DIP2C: variants seen among roughly 807,000 people sequenced by gnomAD.
DIP2C encodes disco-interacting protein 2 homolog C.
DIP2C carries 33 observed loss-of-function variants against 192.4 expected under a neutral mutation model. The ratio of observed to expected loss-of-function variants is 0.17; its 90% CI spans 0.13 to 0.23. The LOEUF is 0.23. Among genes scored for constraint, DIP2C ranks in the 10% least tolerant of loss-of-function variants. DIP2C has a pLI of 1.00. For missense variants in DIP2C, 1,537 were observed against 2,110.1 expected (o/e 0.73, Z 5.32); for synonymous variants, 979 against 864.1 (o/e 1.13, Z -2.33).
At chr10:575,582 CA>C (rs1850099292) in intron 1 of DIP2C, among the ~76,000 whole-genome samples, 1 of 152,178 alleles carries the variant, frequency 6.6e-6, no homozygotes, top group Non-Finnish European at 1.5e-5. Flanking sequence ...GTGATCCTTG[CA>C]AAAACATAGC....
chr10:530,995 C>T (rs1365438679), intron 1 of DIP2C, among the ~76,000 whole-genome samples: 1 of 152,204 alleles, frequency 6.6e-6, no homozygotes, highest in African/African-American at 2.4e-5. Context: ...GCAGCCCCGA[C>T]TGGACAGAAG....
At chr10:311,851 G>T (rs1199808327) in intron 31 of DIP2C, among the ~76,000 whole-genome samples, 1 of 152,204 alleles carries the variant, frequency 6.6e-6, no homozygotes, top group Non-Finnish European at 1.5e-5. Flanking sequence ...TGTAGCAGGT[G>T]ACTAACCACG....
chr10:471,136 C>T (rs1009890332), intron 3 of DIP2C, among the ~76,000 whole-genome samples: 2 of 152,134 alleles, frequency 1.3e-5, no homozygotes, highest in Non-Finnish European at 2.9e-5. Context: ...TCCTTCATTC[C>T]ATCCGCACAC....
intron 1 of DIP2C, among the ~76,000 whole-genome samples, chr10:627,959 C>T (rs149086634): frequency 3.1e-4 from 47 of 152,368 alleles, no homozygotes; most frequent in African/African-American, 9.9e-4. Context: ...AACGACTTTG[C>T]TGTTTTACCG....
intron 1 of DIP2C, among the ~76,000 whole-genome samples, chr10:658,664 T>C (rs1211520057): frequency 6.6e-6 from 1 of 152,246 alleles, no homozygotes; most frequent in Non-Finnish European, 1.5e-5. Flanking sequence ...CTGTGTGGTG[T>C]ATTATGTTTC....
intron 36 of DIP2C, among the ~76,000 whole-genome samples, chr10:280,707 C>T (rs544069309): frequency 1.3e-5 from 2 of 152,232 alleles, no homozygotes; most frequent in Non-Finnish European, 1.5e-5. Context: ...GCAGCAGGTG[C>T]GACGCACACA....
At chr10:383,711 G>C (rs901061626) in intron 16 of DIP2C, among the ~76,000 whole-genome samples, 1 of 152,096 alleles carries the variant, frequency 6.6e-6, no homozygotes, top group African/African-American at 2.4e-5. Context: ...CCGTTTTACA[G>C]CCGGGGAAAC....
intron 31 of DIP2C, among the ~76,000 whole-genome samples, chr10:314,913 T>C (rs3125036): frequency 0.99 from 150,312 of 152,348 alleles, 74,175 homozygotes; most frequent in East Asian, 1. Context: ...ACAGACATTC[T>C]GACCTCAGCA....
intron 1 of DIP2C, among the ~76,000 whole-genome samples, chr10:526,696 GT>G (rs1396975793): frequency 6.6e-6 from 1 of 152,192 alleles, no homozygotes; most frequent in Middle Eastern, 3.2e-3. Flanking sequence ...GTCCACACTG[GT>G]GGCTTTAACT....
intron 1 of DIP2C, among the ~76,000 whole-genome samples, chr10:641,409 C>G (rs1004614349): frequency 2.0e-5 from 3 of 152,190 alleles, no homozygotes; most frequent in African/African-American, 4.8e-5. Flanking sequence ...GGCTACATCC[C>G]CTACGTTCCT....
At chr10:337,822 A>G in intron 29 of DIP2C, among the ~76,000 whole-genome samples, 1 of 125,436 alleles carries the variant, frequency 8.0e-6, no homozygotes, top group Non-Finnish European at 1.6e-5. Context: ...AGGCCTACGC[A>G]GCTGTGTGTG....
At chr10:389,377 CCTCCA>C (rs1356394605) in intron 13 of DIP2C, among the ~76,000 whole-genome samples, 4 of 148,752 alleles carry the variant, frequency 2.7e-5, no homozygotes, top group Non-Finnish European at 5.9e-5. Flanking sequence ...GCCACAGTTC[CCTCCA>C]CTCAAGTTCC....
At chr10:670,504 A>C (rs1299469260) in intron 1 of DIP2C, among the ~76,000 whole-genome samples, 1 of 152,234 alleles carries the variant, frequency 6.6e-6, no homozygotes, top group Non-Finnish European at 1.5e-5. Flanking sequence ...ATGTTCTGGA[A>C]TGTTCCAGAG....
At chr10:320,425 T>C (rs190553953) in intron 31 of DIP2C, among the ~76,000 whole-genome samples, 2,702 of 151,606 alleles carry the variant, frequency 0.018, 69 homozygotes, top group African/African-American at 0.062. Flanking sequence ...GGAGAATCAC[T>C]TGAACCCAGG....
chr10:458,917 A>G (rs72774503), intron 3 of DIP2C, among the ~76,000 whole-genome samples: 1 of 151,688 alleles, frequency 6.6e-6, no homozygotes, highest in Non-Finnish European at 1.5e-5. Flanking sequence ...CTGACACTAA[A>G]CTATCCTCAG....
intron 1 of DIP2C, among the ~76,000 whole-genome samples, chr10:670,303 C>T (rs889559603): frequency 4.6e-5 from 7 of 152,102 alleles, no homozygotes; most frequent in South Asian, 2.1e-4. Context: ...CACACACATA[C>T]GCACATACAT....
At chr10:635,935 C>G (rs1269218343) in intron 1 of DIP2C, among the ~76,000 whole-genome samples, 2 of 152,144 alleles carry the variant, frequency 1.3e-5, no homozygotes, top group Admixed American at 6.5e-5. Flanking sequence ...AGACGATCAT[C>G]GAGATAGAGT....
At chr10:510,352 T>C (rs1293407569) in intron 1 of DIP2C, among the ~76,000 whole-genome samples, 1 of 152,218 alleles carries the variant, frequency 6.6e-6, no homozygotes, top group Non-Finnish European at 1.5e-5. Flanking sequence ...GGGCTGGGTA[T>C]TCGGCATTTT....
intron 2 of DIP2C, among the ~76,000 whole-genome samples, chr10:480,443 G>A (rs933755485): frequency 2.0e-5 from 3 of 152,106 alleles, no homozygotes; most frequent in African/African-American, 4.8e-5. Context: ...TCACCCGCCA[G>A]CCTGAGCCCT....
Sources: gnomAD v4.1 joint callset for allele counts (sites outside exome capture counted in the v4.1 genomes callset) on GRCh38, gnomAD v4.1.1 for gene constraint, MANE v1.5 for transcripts, NCBI Gene and HGNC (gene_info 2026-07-23, HGNC 2026-07-21) for gene names.